The following NEK11 variants were observed in gnomAD, a reference collection of about 807,000 sequenced individuals.
The protein encoded by NEK11 is serine/threonine-protein kinase Nek11.
Under a neutral mutation model 80.7 loss-of-function variants are expected in NEK11, and 72 were observed. That is an observed-to-expected ratio of 0.89 (90% CI 0.74 to 1.08). The LOEUF (loss-of-function observed/expected upper bound fraction) is 1.08, where lower values mean the gene tolerates loss of function less well. NEK11 is among the 50% of genes least tolerant of loss of function. The pLI is 0.00. For synonymous variants in NEK11, 251 were observed against 260.7 expected, an observed-to-expected ratio of 0.96 and a Z score of 0.36; for missense variants, 764 against 763.6, an observed-to-expected ratio of 1.00 and a Z score of -0.01.
intron 14 of NEK11, among the ~76,000 whole-genome samples, chr3:131,181,332 G>C (rs2093329069): frequency 6.6e-6 from 1 of 152,180 alleles, no homozygotes; most frequent in Admixed American, 6.5e-5. Flanking sequence ...TTAGAAGCTA[G>C]AAAAGGGAAG....
chr3:131,222,951 GT>G (rs1227625714), intron 14 of NEK11, among the ~76,000 whole-genome samples: 3 of 152,186 alleles, frequency 2.0e-5, no homozygotes, highest in African/African-American at 2.4e-5. Context: ...TGATGTCTTC[GT>G]TTTTCCAGCA....
At chr3:131,161,953 C>T (rs1311456023) in intron 10 of NEK11, among the ~76,000 whole-genome samples, 1 of 152,194 alleles carries the variant, frequency 6.6e-6, no homozygotes, top group South Asian at 2.1e-4. Context: ...GTAGCCCATT[C>T]TTTACAGATG....
intron 17 of NEK11, among the ~76,000 whole-genome samples, chr3:131,340,078 T>C (rs1358844220): frequency 2.0e-5 from 3 of 152,226 alleles, no homozygotes; most frequent in Admixed American, 6.5e-5. Context: ...GGCAGTGTTA[T>C]TGGACAATTG....
chr3:131,273,648 T>C lies in NEK11; in HGVS notation c.1718+74T>C, dbSNP rs776714500. ...ATTGACCAAGTGTGTGACCCAGTCA[T>C]GTGATACTGTCTTAGTCCATTTGTG... is the stretch of plus-strand genomic sequence containing the variant. On this transcript the variant is annotated intron_variant, in intron 17 of 17. Coordinates refer to ENST00000383366, the MANE Select transcript of NEK11 (RefSeq NM_024800.5). 21 of 1,092,822 alleles carry C rather than the reference T, an allele frequency of 1.9e-5. No homozygotes were observed. In the South Asian group the frequency reaches 2.2e-4, roughly 11 times the overall value. 67.7% of individuals were successfully genotyped at this position (1,092,822 alleles called of 1,614,324 possible).
intron 7 of NEK11, among the ~76,000 whole-genome samples, chr3:131,134,974 G>C (rs1423442287): frequency 6.6e-6 from 1 of 152,166 alleles, no homozygotes. Context: ...TGTTAATTAA[G>C]TAAATAATTA....
chr3:131,196,355 A>T (rs891883702), intron 14 of NEK11, among the ~76,000 whole-genome samples: 1 of 152,160 alleles, frequency 6.6e-6, no homozygotes, highest in Non-Finnish European at 1.5e-5. Context: ...CACACACAAA[A>T]ATAAATTTCA....
intron 5 of NEK11, among the ~76,000 whole-genome samples, chr3:131,118,949 GT>G (rs1158666987): frequency 1.3e-5 from 2 of 152,030 alleles, no homozygotes; most frequent in Admixed American, 6.6e-5. Flanking sequence ...TTTTTGAAGG[GT>G]TTTTTGTGTC....
intron 4 of NEK11, among the ~76,000 whole-genome samples, chr3:131,081,093 G>T (rs757979592): frequency 2.0e-5 from 3 of 152,190 alleles, no homozygotes; most frequent in Non-Finnish European, 4.4e-5. Context: ...CTGGGCGATA[G>T]AGTGAGACCC....
At chr3:131,310,074 A>C (rs2096765956) in intron 17 of NEK11, among the ~76,000 whole-genome samples, 1 of 151,658 alleles carries the variant, frequency 6.6e-6, no homozygotes, top group Non-Finnish European at 1.5e-5. Context: ...TTCTATCGAA[A>C]AAAAAGACAC....
intron 16 of NEK11, among the ~76,000 whole-genome samples, chr3:131,258,911 C>A (rs954626994): frequency 6.6e-6 from 1 of 152,126 alleles, no homozygotes; most frequent in South Asian, 2.1e-4. Flanking sequence ...AGAAGCTGCT[C>A]CATGCAAAGC....
In NEK11 at chr3:131,255,079, G is replaced by GGAAAGAAAGAAAGAAA. The variant is rs59699596; in HGVS notation, c.1621+11618_1621+11633dup. On this transcript the variant is annotated intron_variant, in intron 16 of 17. Transcript: ENST00000383366. ...CAGACAGACAGACAGACAGAAAGAA[G>GGAAAGAAAGAAAGAAA]GAAAGAAAGAAAGAAAGAAAGAAAG... is the stretch of plus-strand genomic sequence containing the variant. Among the ~76,000 whole-genome samples the GGAAAGAAAGAAAGAAA allele has an allele frequency of 2.3e-3, 270 of 119,266 alleles. 1 individual carries two copies. The highest frequency in any genetic ancestry group is 3.3e-3 in the East Asian group (13 of 3,948). 78.2% of individuals were successfully genotyped at this position (119,266 alleles called of 152,430 possible). A position where few individuals can be genotyped will look rare whatever the true frequency, so the allele number is the denominator to read the frequency against.
At chr3:131,152,778 A>T in intron 9 of NEK11, 69 bp downstream of exon 9, 3 of 1,086,216 alleles carry the variant, frequency 2.8e-6, no homozygotes, top group Non-Finnish European at 1.4e-6. Context: ...TGACTTGAAG[A>T]TATGCAGTGG....
intron 7 of NEK11, 88 bp downstream of exon 7, chr3:131,134,044 A>C: frequency 8.8e-7 from 1 of 1,138,446 alleles, no homozygotes; most frequent in Non-Finnish European, 1.2e-6. Flanking sequence ...TACTGCATAC[A>C]TTCACTTTAT....
chr3:131,307,290 T>C (rs1432716889), intron 17 of NEK11, among the ~76,000 whole-genome samples: 1 of 152,210 alleles, frequency 6.6e-6, no homozygotes, highest in Admixed American at 6.5e-5. Flanking sequence ...AGCCACTGCG[T>C]TTGCAGAGAA....
intron 14 of NEK11, among the ~76,000 whole-genome samples, chr3:131,206,349 G>A (rs574660137): frequency 1.3e-5 from 2 of 152,312 alleles, no homozygotes; most frequent in East Asian, 3.9e-4. Context: ...GTAGTTGCAA[G>A]TTTCTATTTG....
At chr3:131,112,808 A>G (rs1161680536) in intron 5 of NEK11, among the ~76,000 whole-genome samples, 4 of 152,170 alleles carry the variant, frequency 2.6e-5, no homozygotes, top group Non-Finnish European at 4.4e-5. Flanking sequence ...AGAGAGAATC[A>G]TGAGTAGTTC....
At chr3:131,292,108 G>T (rs1455188438) in intron 17 of NEK11, among the ~76,000 whole-genome samples, 1 of 152,164 alleles carries the variant, frequency 6.6e-6, no homozygotes, top group African/African-American at 2.4e-5. Context: ...AGGGTGTAAG[G>T]TCTGTGCCGA....
At chr3:131,270,369 G>A (rs944575149) in intron 16 of NEK11, among the ~76,000 whole-genome samples, 5 of 152,108 alleles carry the variant, frequency 3.3e-5, no homozygotes, top group African/African-American at 4.8e-5. Context: ...ATATGGAAAC[G>A]TAGAATCCCA....
chr3:131,138,870 G>A (rs1479882192), intron 7 of NEK11, among the ~76,000 whole-genome samples: 1 of 152,122 alleles, frequency 6.6e-6, no homozygotes, highest in Non-Finnish European at 1.5e-5. Flanking sequence ...CAACACCCAA[G>A]TATTTTCAAA....
Sources: gnomAD v4.1 joint callset for allele counts (sites outside exome capture counted in the v4.1 genomes callset) on GRCh38, gnomAD v4.1.1 for gene constraint, MANE v1.5 for transcripts, NCBI Gene and HGNC (gene_info 2026-07-23, HGNC 2026-07-21) for gene names.